GALNT2: variants seen among roughly 807,000 people sequenced by gnomAD.
GALNT2 encodes the protein polypeptide N-acetylgalactosaminyltransferase 2.
Under a neutral mutation model 81.4 loss-of-function variants are expected in GALNT2, and 31 were observed. The ratio of observed to expected loss-of-function variants is 0.38; its 90% CI spans 0.29 to 0.51. GALNT2 has a LOEUF of 0.51. Ranked by LOEUF, GALNT2 falls within the 20% of genes least tolerant of loss-of-function variation. The probability of loss-of-function intolerance (pLI) is 0.87; values close to 1 mark genes in which losing one functional copy is unlikely to be tolerated. For missense variants in GALNT2, 629 were observed against 765.7 expected, an observed-to-expected ratio of 0.82 and a Z score of 2.11; for synonymous variants, 303 against 287.4, an observed-to-expected ratio of 1.05 and a Z score of -0.55.
rs1207692228 is a variant in GALNT2, at chr1:230,269,945, T to C, written c.1441-4500T>C. Among the ~76,000 whole-genome samples, 4 of 152,124 alleles carry C rather than the reference T, an allele frequency of 2.6e-5. No individual in the cohort carries two copies. The East Asian group carries it at 7.7e-4, about 29-fold the overall frequency. ...GGCCGGGCACGGTGGCTCACGCCTG[T>C]AATCCCAGCACTTTGGGAGGCTGAG... On this transcript the variant is annotated intron_variant, in intron 14 of 15. Transcript: ENST00000366672.
At chr1:230,246,865 A>C (rs940073478) in intron 8 of GALNT2, among the ~76,000 whole-genome samples, 1 of 152,136 alleles carries the variant, frequency 6.6e-6, no homozygotes, top group Non-Finnish European at 1.5e-5. Flanking sequence ...CATCTGTGTG[A>C]AGATGAACTA....
intron 1 of GALNT2, among the ~76,000 whole-genome samples, chr1:230,091,123 C>G (rs1660062406): frequency 1.3e-5 from 2 of 151,792 alleles, no homozygotes; most frequent in South Asian, 4.2e-4. Context: ...GGCTGGAGTA[C>G]AGTGGCACGA....
chr1:230,136,076 G>A (rs1661529305), intron 1 of GALNT2, among the ~76,000 whole-genome samples: 2 of 152,130 alleles, frequency 1.3e-5, no homozygotes, highest in African/African-American at 4.8e-5. Flanking sequence ...CAGGAGAATT[G>A]AATGAGCTGC....
chr1:230,150,711 C>T (rs914825511), intron 1 of GALNT2, among the ~76,000 whole-genome samples: 4 of 152,224 alleles, frequency 2.6e-5, no homozygotes, highest in Non-Finnish European at 4.4e-5. Context: ...TTAGAGAATG[C>T]GCTGCGACAT....
intron 1 of GALNT2, among the ~76,000 whole-genome samples, chr1:230,118,542 G>T (rs988376369): frequency 2.4e-4 from 36 of 152,312 alleles, no homozygotes; most frequent in Non-Finnish European, 4.6e-4. Context: ...AGTCCCATCA[G>T]TGCCACCATC....
At chr1:230,147,033 C>T (rs1157664526) in intron 1 of GALNT2, among the ~76,000 whole-genome samples, 1 of 152,022 alleles carries the variant, frequency 6.6e-6, no homozygotes, top group Non-Finnish European at 1.5e-5. Flanking sequence ...AGCAGGCCTT[C>T]AGCTGTGGCA....
In GALNT2 at chr1:230,279,179, AG is replaced by A. The variant is rs1339460360; in HGVS notation, c.1561-122del. On this transcript the variant is annotated intron_variant, in intron 15 of 15. Transcript: ENST00000366672. This position sits in a 1 kb window ranked among gnomAD's most constrained non-coding sequence, Gnocchi z 4.6. ...CAAGCTCCTCGGCCGTTCAGATGAGAGGCTGGGAAAAACGTGTCTATCTGTG... is the reference window on the plus strand; with the variant it reads ...CAAGCTCCTCGGCCGTTCAGATGAGAGCTGGGAAAAACGTGTCTATCTGTG... 9.5e-7 allele frequency: 1 copy of A among 1,049,860 alleles called. No individual in the cohort carries two copies. Among genetic ancestry groups the A allele is most frequent in the Non-Finnish European group, 1.4e-6 (1 of 737,798 alleles). 65.0% of individuals were successfully genotyped at this position (1,049,860 alleles called of 1,614,324 possible). A position where few individuals can be genotyped will look rare whatever the true frequency, so the allele number is the denominator to read the frequency against.
intron 1 of GALNT2, among the ~76,000 whole-genome samples, chr1:230,150,532 A>AC (rs1662060812): frequency 6.6e-6 from 1 of 152,238 alleles, no homozygotes; most frequent in Admixed American, 6.5e-5. Context: ...TGTCTCTGTT[A>AC]GAGTTGGAGT....
chr1:230,223,355 T>C (rs1400873543), intron 3 of GALNT2, among the ~76,000 whole-genome samples: 2 of 152,130 alleles, frequency 1.3e-5, no homozygotes, highest in Non-Finnish European at 2.9e-5. Flanking sequence ...TTTTTTTTCT[T>C]TTTTGGATGC....
chr1:230,170,143 TG>T (rs1264454153), intron 1 of GALNT2, among the ~76,000 whole-genome samples: 1 of 152,228 alleles, frequency 6.6e-6, no homozygotes, highest in Non-Finnish European at 1.5e-5. Context: ...TTTTGATTCT[TG>T]CCTAAGTAGA....
At chr1:230,191,910 C>T (rs1251247048) in intron 2 of GALNT2, among the ~76,000 whole-genome samples, 2 of 152,276 alleles carry the variant, frequency 1.3e-5, no homozygotes, top group South Asian at 2.1e-4. Flanking sequence ...TCCCCATGCT[C>T]AGCACCTCTT....
chr1:230,077,786 G>C lies in GALNT2; in HGVS notation c.126+10380G>C, dbSNP rs530863315. 2.4e-4 allele frequency among the ~76,000 whole-genome samples: 36 copies of C among 152,326 alleles called. 1 individual carries two copies. The highest frequency in any genetic ancestry group is 6.5e-4 in the Admixed American group (10 of 15,304). On this transcript the variant is annotated intron_variant, in intron 1 of 15. Transcript: ENST00000366672. ...TCCATAAAAATACTAAGAGCCATTG[G>C]TTCTGGACTTTGAAGACAGCTTGGC...
chr1:230,231,910 C>A (rs1010492485), intron 3 of GALNT2, among the ~76,000 whole-genome samples: 2 of 152,170 alleles, frequency 1.3e-5, no homozygotes, highest in Non-Finnish European at 2.9e-5. Context: ...TCTGGTAGAA[C>A]AAACCTTACT....
intron 1 of GALNT2, among the ~76,000 whole-genome samples, chr1:230,135,902 A>G (rs1208650713): frequency 1.3e-5 from 2 of 151,244 alleles, no homozygotes; most frequent in Non-Finnish European, 2.9e-5. Context: ...TGTGTTGCCC[A>G]GGCTGGTCCT....
chr1:230,084,494 G>T (rs1659841987), intron 1 of GALNT2, among the ~76,000 whole-genome samples: 1 of 152,176 alleles, frequency 6.6e-6, no homozygotes, highest in South Asian at 2.1e-4. Context: ...AGACAGCCGG[G>T]GGATGGTGAG....
intron 11 of GALNT2, chr1:230,258,931 C>G (rs2102756967): frequency 6.6e-6 from 1 of 152,282 alleles, no homozygotes; most frequent in South Asian, 2.1e-4. Context: ...AGAAGAGAAA[C>G]ATTTTCAAAT....
intron 1 of GALNT2, among the ~76,000 whole-genome samples, chr1:230,147,148 C>A (rs564237842): frequency 3.4e-4 from 52 of 152,254 alleles, no homozygotes; most frequent in Admixed American, 8.5e-4. Context: ...CAGTGCCAAG[C>A]TGGGGGAGAT....
intron 3 of GALNT2, among the ~76,000 whole-genome samples, chr1:230,235,769 G>A (rs1408116152): frequency 1.3e-5 from 2 of 152,148 alleles, no homozygotes; most frequent in African/African-American, 4.8e-5. Context: ...TTAGAAAGAT[G>A]TTCTCAATAT....
chr1:230,263,244 C>G (rs565364086), intron 13 of GALNT2: 1 of 512,718 alleles, frequency 2.0e-6, no homozygotes, highest in African/African-American at 1.9e-5. Flanking sequence ...CAGAGGCAGT[C>G]CCCCGGGCCT....
Sources: allele counts gnomAD v4.1 joint callset (sites outside exome capture counted in the v4.1 genomes callset), GRCh38; gene constraint gnomAD v4.1.1; non-coding constraint Gnocchi (gnomAD v3.1); transcripts MANE v1.5; gene names NCBI Gene and HGNC (gene_info 2026-07-23, HGNC 2026-07-21).